Variants in PRPSAP2 observed in about 807,000 individuals in gnomAD.
PRPSAP2 encodes phosphoribosyl pyrophosphate synthetase associated protein 2, also known as phosphoribosyl pyrophosphate synthase-associated protein 2.
PRPSAP2 carries 24 observed loss-of-function variants against 40.6 expected under a neutral mutation model. That is an observed-to-expected ratio of 0.59 (90% CI 0.43 to 0.83). The LOEUF (loss-of-function observed/expected upper bound fraction) is 0.83. Among genes scored for constraint, PRPSAP2 ranks in the 40% least tolerant of loss-of-function variants. The pLI, the probability that PRPSAP2 is intolerant of heterozygous loss-of-function variation, is 0.00. For missense variants in PRPSAP2, 292 were observed against 465.6 expected, an observed-to-expected ratio of 0.63 and a Z score of 3.43; for synonymous variants, 149 against 164.7, an observed-to-expected ratio of 0.90 and a Z score of 0.73.
intron 6 of PRPSAP2, among the ~76,000 whole-genome samples, chr17:18,879,842 G>C (rs1344533002): frequency 7.7e-6 from 1 of 129,386 alleles, no homozygotes; most frequent in African/African-American, 3.0e-5. Context: ...GCTCACGCCT[G>C]TAATCCCAGC....
chr17:18,926,236 A>ATTATTTATTTATTTAT (rs35064082), intron 10 of PRPSAP2, among the ~76,000 whole-genome samples: 16 of 145,162 alleles, frequency 1.1e-4, no homozygotes, highest in African/African-American at 3.3e-4. Flanking sequence ...GTGCCACTGC[A>ATTATTTATTTATTTAT]TTATTTATTT....
intron 5 of PRPSAP2, among the ~76,000 whole-genome samples, chr17:18,875,671 T>C (rs2038241219): frequency 6.6e-6 from 1 of 151,374 alleles, no homozygotes; most frequent in African/African-American, 2.4e-5. Flanking sequence ...CTGGCCAACA[T>C]GGTGAAACCC....
chr17:18,883,171 G>C (rs1461102728), intron 7 of PRPSAP2, among the ~76,000 whole-genome samples: 1 of 152,094 alleles, frequency 6.6e-6, no homozygotes. Context: ...TGCTGAATCT[G>C]TCAGATGCTT....
intron 5 of PRPSAP2, among the ~76,000 whole-genome samples, chr17:18,874,306 C>T (rs1454674949): frequency 6.6e-6 from 1 of 152,104 alleles, no homozygotes; most frequent in Non-Finnish European, 1.5e-5. Flanking sequence ...TTTTTAATGT[C>T]TAGAAATCAG....
At chr17:18,896,831 C>T (rs1033695911) in intron 8 of PRPSAP2, among the ~76,000 whole-genome samples, 1 of 152,120 alleles carries the variant, frequency 6.6e-6, no homozygotes, top group Admixed American at 6.6e-5. Context: ...TCTTTTCCCA[C>T]CAGTGGTTGC....
At chr17:18,904,854 C>T (rs2040485060) in intron 8 of PRPSAP2, 1 of 152,124 alleles carries the variant, frequency 6.6e-6, no homozygotes, top group South Asian at 2.1e-4. Context: ...CAATCAGGAT[C>T]AAGTTGCTTT....
chr17:18,868,417 G>C (rs892532157), intron 4 of PRPSAP2, among the ~76,000 whole-genome samples: 1 of 151,770 alleles, frequency 6.6e-6, no homozygotes, highest in African/African-American at 2.4e-5. Context: ...GGAGGTTGCA[G>C]TGAGCCAAGA....
At chr17:18,877,957 T>C (rs764200261) in intron 6 of PRPSAP2, 87 bp downstream of exon 6, 32 of 1,390,808 alleles carry the variant, frequency 2.3e-5, no homozygotes, top group Non-Finnish European at 2.9e-5. Context: ...GGTCTTGCCC[T>C]GTCACCTAGG....
At chr17:18,910,926 T>G (rs2040922071) in intron 8 of PRPSAP2, among the ~76,000 whole-genome samples, 177 bp from the exon 9 acceptor site, 1 of 152,182 alleles carries the variant, frequency 6.6e-6, no homozygotes, top group Non-Finnish European at 1.5e-5. Flanking sequence ...GTTTGGCATG[T>G]GGGGTCTCTA....
intron 9 of PRPSAP2, among the ~76,000 whole-genome samples, chr17:18,913,095 G>A (rs1338577905): frequency 6.6e-6 from 1 of 152,192 alleles, no homozygotes; most frequent in Non-Finnish European, 1.5e-5. Flanking sequence ...CACTCTAGTG[G>A]TTCTACCAGT....
At chr17:18,905,953 C>G (rs2040560477) in intron 8 of PRPSAP2, among the ~76,000 whole-genome samples, 1 of 152,140 alleles carries the variant, frequency 6.6e-6, no homozygotes, top group Non-Finnish European at 1.5e-5. Flanking sequence ...TATATGAATA[C>G]TAAATCTTAC....
intron 1 of PRPSAP2, among the ~76,000 whole-genome samples, chr17:18,863,516 CTTTCT>C (rs2037195505): frequency 7.4e-6 from 1 of 135,242 alleles, no homozygotes; most frequent in Admixed American, 7.7e-5. Context: ...TCTTCCCTTT[CTTTCT>C]TCTTCTCTTT....
intron 4 of PRPSAP2, among the ~76,000 whole-genome samples, chr17:18,871,113 A>G (rs1400407454): frequency 6.6e-6 from 1 of 151,998 alleles, no homozygotes; most frequent in African/African-American, 2.4e-5. Context: ...TCTGCCTCCC[A>G]GGTTCAAGCA....
upstream of PRPSAP2, chr17:18,856,569 G>A (rs145761484): frequency 6.6e-6 from 1 of 152,300 alleles, no homozygotes; most frequent in African/African-American, 2.4e-5. Context: ...TAGTTGAGAT[G>A]CTTGTATTCT....
intron 4 of PRPSAP2, 42 bp downstream of exon 4, chr17:18,867,376 A>C (rs749994097): frequency 6.3e-7 from 1 of 1,591,324 alleles, no homozygotes; most frequent in South Asian, 1.1e-5. Context: ...CTTTTTGTGA[A>C]ATGTGGCATA....
At chr17:18,878,719 G>A (rs970801562) in intron 6 of PRPSAP2, among the ~76,000 whole-genome samples, 3 of 151,948 alleles carry the variant, frequency 2.0e-5, no homozygotes, top group African/African-American at 2.4e-5. Flanking sequence ...CACCACGCCC[G>A]GCTAATTTTG....
At chr17:18,928,550 G>A (rs1287876134) in intron 10 of PRPSAP2, 1 of 455,528 alleles carries the variant, frequency 2.2e-6, no homozygotes, top group Non-Finnish European at 4.2e-6. Flanking sequence ...AGAAAACAGT[G>A]CTACCCCTGG....
chr17:18,882,803 A>G (rs372355110), intron 7 of PRPSAP2, 120 bp downstream of exon 7: 2 of 665,068 alleles, frequency 3.0e-6, no homozygotes, highest in Non-Finnish European at 5.3e-6. Flanking sequence ...AAGTACCATT[A>G]TACTTTATAG....
At chr17:18,873,783 C>T (rs1363836950) in intron 5 of PRPSAP2, among the ~76,000 whole-genome samples, 1 of 152,076 alleles carries the variant, frequency 6.6e-6, no homozygotes, top group African/African-American at 2.4e-5. Context: ...TTTGACACAC[C>T]TGTGTTCTGG....
Sources: gnomAD v4.1 joint callset for allele counts (sites outside exome capture counted in the v4.1 genomes callset) on GRCh38, gnomAD v4.1.1 for gene constraint, MANE v1.5 for transcripts, NCBI Gene and HGNC (gene_info 2026-07-23, HGNC 2026-07-21) for gene names.